The following LMLN variants were observed in gnomAD, a reference collection of about 807,000 sequenced individuals.
The protein encoded by LMLN is leishmanolysin-like peptidase.
Under a neutral mutation model 92.3 loss-of-function variants are expected in LMLN, and 70 were observed. The observed-to-expected ratio is 0.76, with a 90% CI of 0.63 to 0.92. The LOEUF (loss-of-function observed/expected upper bound fraction) is 0.92, where lower values mean the gene tolerates loss of function less well. Ranked by LOEUF, LMLN falls within the 40% of genes least tolerant of loss-of-function variation. The pLI, the probability that LMLN is intolerant of heterozygous loss-of-function variation, is 0.00. For synonymous variants in LMLN, 308 were observed against 296.2 expected (o/e 1.04, Z -0.41); for missense variants, 691 against 814.6 (o/e 0.85, Z 1.85).
At chr3:198,012,559 A>T (rs6767270) in intron 11 of LMLN, among the ~76,000 whole-genome samples, 1,939 of 152,016 alleles carry the variant, frequency 0.013, 30 homozygotes, top group African/African-American at 0.044. Context: ...CCCCCTAACT[A>T]GTCTGACTTC....
chr3:198,027,054 AC>A (rs1722952619), intron 14 of LMLN, among the ~76,000 whole-genome samples: 1 of 151,950 alleles, frequency 6.6e-6, no homozygotes, highest in Non-Finnish European at 1.5e-5. Context: ...TCGGTTGGAG[AC>A]CTTGTCTGAT....
chr3:198,002,432 G>A (rs1048752404), intron 11 of LMLN, among the ~76,000 whole-genome samples: 26 of 152,196 alleles, frequency 1.7e-4, no homozygotes, highest in African/African-American at 6.3e-4. Context: ...GCCCAGCTAG[G>A]ACATTTAAAA....
chr3:197,967,146 T>A (rs185648765), intron 1 of LMLN, among the ~76,000 whole-genome samples: 6 of 152,336 alleles, frequency 3.9e-5, no homozygotes, highest in Non-Finnish European at 8.8e-5. Context: ...TTTTATTTTT[T>A]AAATTTTATA....
At chr3:198,002,376 C>T (rs954092864) in intron 11 of LMLN, among the ~76,000 whole-genome samples, 1 of 152,192 alleles carries the variant, frequency 6.6e-6, no homozygotes, top group African/African-American at 2.4e-5. Context: ...AATGGTCAAC[C>T]GCCTCAGCCT....
chr3:197,991,388 G>A, intron 9 of LMLN, among the ~76,000 whole-genome samples: 1 of 151,372 alleles, frequency 6.6e-6, no homozygotes, highest in East Asian at 2.0e-4. Context: ...TTACAGACAT[G>A]AGTCACCACA....
intron 11 of LMLN, among the ~76,000 whole-genome samples, chr3:198,005,076 GA>G (rs1560146921): frequency 1.1e-3 from 16 of 14,772 alleles, no homozygotes; most frequent in Admixed American, 3.7e-3. Context: ...TAGTAAGTTT[GA>G]CATCTATCTA....
chr3:198,001,043 C>G (rs948696904), intron 11 of LMLN, among the ~76,000 whole-genome samples: 1 of 152,168 alleles, frequency 6.6e-6, no homozygotes, highest in African/African-American at 2.4e-5. Context: ...CCCCTCTACT[C>G]CCTCACTAGT....
At position 198,013,809 on chromosome 3, in the gene LMLN, T is replaced by C. The variant is rs1368702205; in HGVS notation, c.1233-5444T>C. Reference sequence around the variant, plus strand: ...TGACTTCTCTCCACCCTTCAGAGCCTCCTAACTAGTCGGACTTCTCTGTAC... The same window carrying C: ...TGACTTCTCTCCACCCTTCAGAGCCCCCTAACTAGTCGGACTTCTCTGTAC... On this transcript the variant is annotated intron_variant, in intron 11 of 15. Transcript: ENST00000330198. Among the ~76,000 whole-genome samples the C allele has an allele frequency of 2.7e-3, 259 of 96,740 alleles. 3 individuals are homozygous for C. Among genetic ancestry groups the C allele is most frequent in the African/African-American group, 4.7e-3 (96 of 20,592 alleles). 63.5% of individuals were successfully genotyped at this position (96,740 alleles called of 152,430 possible).
At chr3:197,962,767 C>CTTT (rs200108423) in intron 1 of LMLN, among the ~76,000 whole-genome samples, 1 of 135,446 alleles carries the variant, frequency 7.4e-6, no homozygotes. Context: ...GATCAATATC[C>CTTT]TTTTTTTTTT....
intron 11 of LMLN, among the ~76,000 whole-genome samples, chr3:198,014,616 C>T (rs2109925497): frequency 8.7e-6 from 1 of 114,344 alleles, no homozygotes; most frequent in African/African-American, 3.8e-5. Flanking sequence ...CTCCACCCTT[C>T]AGAGCCCCCT....
chr3:198,011,057 T>G (rs965633765), intron 11 of LMLN, among the ~76,000 whole-genome samples: 10 of 152,324 alleles, frequency 6.6e-5, no homozygotes, highest in Non-Finnish European at 1.0e-4. Context: ...TGATTTGAGT[T>G]CTTTTAAATT....
chr3:197,972,831 A>G (rs1166202142), intron 1 of LMLN, among the ~76,000 whole-genome samples: 1 of 152,108 alleles, frequency 6.6e-6, no homozygotes, highest in Non-Finnish European at 1.5e-5. Context: ...GTTGTCAGCC[A>G]AGGAATTTAG....
chr3:197,971,719 G>A (rs1016544937), intron 1 of LMLN, among the ~76,000 whole-genome samples: 1 of 151,906 alleles, frequency 6.6e-6, no homozygotes, highest in African/African-American at 2.4e-5. Flanking sequence ...TGAGGAGCTG[G>A]GATTACAGGC....
intron 14 of LMLN, among the ~76,000 whole-genome samples, chr3:198,035,361 G>GTT (rs10679322): frequency 0.27 from 31,870 of 117,442 alleles, 5,998 homozygotes; most frequent in African/African-American, 0.5. Context: ...CCCTCTTTTG[G>GTT]TTTTTTTTTT....
At chr3:198,036,093 ACTT>A in intron 15 of LMLN, 50 bp downstream of exon 16, 1 of 1,493,984 alleles carries the variant, frequency 6.7e-7, no homozygotes, top group Non-Finnish European at 9.3e-7. Context: ...AAGGAGGTGA[ACTT>A]CTCTTATAAA....
At chr3:198,035,924 A>G in exon 15 of LMLN, 1 of 1,614,158 alleles carries the variant, frequency 6.2e-7, no homozygotes, top group Non-Finnish European at 8.5e-7. Flanking sequence ...GTCAGTATCC[A>G]GATGAATGGC....
intron 1 of LMLN, among the ~76,000 whole-genome samples, chr3:197,970,077 A>G (rs1194427332): frequency 4.6e-5 from 7 of 152,188 alleles, no homozygotes; most frequent in African/African-American, 1.7e-4. Context: ...GCTTGAACCC[A>G]GGAGGCGGAG....
chr3:197,962,548 A>G (rs1720933402), intron 1 of LMLN, among the ~76,000 whole-genome samples: 1 of 152,182 alleles, frequency 6.6e-6, no homozygotes, highest in Non-Finnish European at 1.5e-5. Flanking sequence ...AAAAATACTA[A>G]CCCTTTCTCC....
In LMLN at chr3:197,960,451, AT is replaced by A; in HGVS notation, c.219+12del. ...CCCTCTGACACTGAGGTAGGGCGAC[AT>A]GGGCGGGAGCGGGCCCTCTCAGGGT... On this transcript the variant is annotated intron_variant, in intron 1 of 15. Coordinates refer to ENST00000330198, the Ensembl canonical transcript of LMLN. 1 of 1,611,460 alleles carries A rather than the reference AT, an allele frequency of 6.2e-7. No individual in the cohort carries two copies. Among genetic ancestry groups the A allele is most frequent in the Non-Finnish European group, 8.5e-7 (1 of 1,178,220 alleles).
Sources: allele counts gnomAD v4.1 joint callset (sites outside exome capture counted in the v4.1 genomes callset), GRCh38; gene constraint gnomAD v4.1.1; transcripts MANE v1.5; gene names NCBI Gene and HGNC (gene_info 2026-07-23, HGNC 2026-07-21).